The following CGRRF1 variants were observed in gnomAD, a reference collection of about 807,000 sequenced individuals.
CGRRF1 encodes the protein cell growth regulator with ring finger domain 1.
In CGRRF1, 32 loss-of-function variants were observed where a neutral mutation model predicts 37.2. The observed-to-expected ratio is 0.86, with a 90% confidence interval of 0.65 to 1.16. The LOEUF (loss-of-function observed/expected upper bound fraction) is 1.16. CGRRF1 is among the 50% of genes most tolerant of loss of function. The pLI is 0.00. For missense variants in CGRRF1, 391 were observed against 382.6 expected (o/e 1.02, Z -0.18); for synonymous variants, 141 against 140.3 (o/e 1.00, Z -0.04).
chr14:54,514,537 T>C (rs542033835), intron 1 of CGRRF1, among the ~76,000 whole-genome samples: 223 of 152,352 alleles, frequency 1.5e-3, no homozygotes, highest in Non-Finnish European at 2.4e-3. Flanking sequence ...GATTATTTCA[T>C]CACCCAGGTA....
chr14:54,521,323 T>C (rs1277556567), intron 1 of CGRRF1, among the ~76,000 whole-genome samples: 1 of 151,678 alleles, frequency 6.6e-6, no homozygotes, highest in African/African-American at 2.4e-5. Context: ...TACCTGGGCA[T>C]GGTGGCACAT....
At chr14:54,526,231 C>T (rs986734606) in intron 2 of CGRRF1, among the ~76,000 whole-genome samples, 8 of 140,440 alleles carry the variant, frequency 5.7e-5, no homozygotes, top group African/African-American at 5.3e-5. Flanking sequence ...CTCACTGCAA[C>T]GTCTGCCTCC....
At chr14:54,526,219 G>T (rs2032410053) in intron 2 of CGRRF1, among the ~76,000 whole-genome samples, 1 of 126,968 alleles carries the variant, frequency 7.9e-6, no homozygotes, top group African/African-American at 3.0e-5. Context: ...GTGCAATCTT[G>T]GCTCACTGCA....
rs2032099909 is a variant in CGRRF1 at position 54,509,939 on chromosome 14, T to G, written c.-21T>G. 6 of 1,583,010 alleles carry G rather than the reference T, an allele frequency of 3.8e-6. No homozygotes were observed. Among genetic ancestry groups the G allele is most frequent in the Admixed American group, 1.7e-5 (1 of 59,940 alleles). On this transcript the variant is annotated 5_prime_UTR_variant, in exon 1 of 6. Transcript: ENST00000216420. Reference sequence around the variant, plus strand: ...CTGGGCTCCGCGGCTGGAGCCGGGCTCTACCCAGAGCAAGACCCTGATGGC... The same window carrying G: ...CTGGGCTCCGCGGCTGGAGCCGGGCGCTACCCAGAGCAAGACCCTGATGGC...
Position 54,512,476 on chromosome 14 carries a change from C to T in CGRRF1, c.104+2413C>T, listed in dbSNP as rs549840973. Among the ~76,000 whole-genome samples the T allele has an allele frequency of 4.6e-5, 7 of 152,358 alleles. No individual in the cohort carries two copies. In the East Asian group the frequency reaches 1.3e-3, roughly 29 times the overall value. ...TTTCAAATAATCAGGGACCATGACT[C>T]CAGTAGCTATTCCCGGCCTCCTCTT... On this transcript the variant is annotated intron_variant, in intron 1 of 5. Transcript: ENST00000216420.
In CGRRF1 at chr14:54,528,175, G is replaced by A. The variant is rs76989134; in HGVS notation, c.245-1874G>A. Among the ~76,000 whole-genome samples, 1,344 of 144,036 alleles carry A rather than the reference G, an allele frequency of 9.3e-3. 14 individuals are homozygous for A. Among genetic ancestry groups the A allele is most frequent in the Admixed American group, 0.02 (292 of 14,528 alleles). The allele number at this position is 144,036 out of a possible 152,430, so 94.5% of individuals were successfully genotyped here. A position where few individuals can be genotyped will look rare whatever the true frequency, so the allele number is the denominator to read the frequency against. On this transcript the variant is annotated intron_variant, in intron 2 of 5. Transcript: ENST00000216420. ...ATATTCTGAAGATCATTTCATAATA[G>A]TGTGTGCAGATACTCTGATATACCT...
chr14:54,515,399 A>G (rs1486572797), intron 1 of CGRRF1, among the ~76,000 whole-genome samples: 2 of 151,812 alleles, frequency 1.3e-5, no homozygotes, highest in Non-Finnish European at 2.9e-5. Context: ...GCCGGGTGAG[A>G]TGTTTTATAA....
At position 54,530,484 on chromosome 14, in the gene CGRRF1, T is replaced by C. The variant is rs563819683; in HGVS notation, c.422+258T>C. On this transcript the variant is annotated intron_variant, in intron 3 of 5. Transcript: ENST00000216420. ...TAAAGTGTTGCTAACTTATTGATCA[T>C]TTTTGGTATACTAGAAGCATGTTTA... is the stretch of plus-strand genomic sequence containing the variant. 116 of 1,142,652 alleles carry C rather than the reference T, an allele frequency of 1.0e-4. 1 individual carries two copies. In the African/African-American group the frequency reaches 1.8e-3, roughly 18 times the overall value. The allele number at this position is 1,142,652 out of a possible 1,614,324, so 70.8% of individuals were successfully genotyped here. A position where few individuals can be genotyped will look rare whatever the true frequency, so the allele number is the denominator to read the frequency against.
intron 1 of CGRRF1, among the ~76,000 whole-genome samples, chr14:54,519,245 CT>C (rs999065611): frequency 6.5e-4 from 92 of 141,352 alleles, no homozygotes; most frequent in African/African-American, 2.1e-3. Flanking sequence ...TGTGCCTGGC[CT>C]TTTTTTTTTG....
At chr14:54,522,723 C>G in intron 2 of CGRRF1, 130 bp downstream of exon 2, 1 of 869,742 alleles carries the variant, frequency 1.1e-6, no homozygotes, top group Admixed American at 2.5e-5. Flanking sequence ...TATGTTGTTC[C>G]AGGTGCTGTA....
intron 1 of CGRRF1, among the ~76,000 whole-genome samples, chr14:54,521,234 G>A (rs2032310462): frequency 6.6e-6 from 1 of 152,082 alleles, no homozygotes; most frequent in Non-Finnish European, 1.5e-5. Context: ...GCTGAGGTGG[G>A]CGGATCACCT....
chr14:54,528,985 TAA>T (rs1299268698), intron 2 of CGRRF1, among the ~76,000 whole-genome samples: 1 of 152,124 alleles, frequency 6.6e-6, no homozygotes. Flanking sequence ...GATCACATTT[TAA>T]AAAATAGGTA....
rs202162974 is a variant in CGRRF1 at position 54,538,353 on chromosome 14, G to A, written c.969G>A (p.Glu323=). ...CTTTTGCACTTTGCAGTCAAAAAGA[G>A]CAAGATAAAGACAAACCGAAGACTC... The part of the protein sequence containing the change: ...QESFALCSQK[E]QDKDKPKTL The change falls in exon 6 of 6, where the codon GAG becomes GAA. Residue 323 remains glutamate, a synonymous_variant. Coordinates refer to ENST00000216420, the MANE Select transcript of CGRRF1 (RefSeq NM_006568.3). 3.7e-6 allele frequency: 6 copies of A among 1,612,136 alleles called. No homozygotes were observed. The highest frequency in any genetic ancestry group is 1.7e-5 in the Admixed American group (1 of 59,982).
chr14:54,511,145 A>G (rs772243405), intron 1 of CGRRF1, among the ~76,000 whole-genome samples: 8 of 152,244 alleles, frequency 5.3e-5, no homozygotes, highest in Admixed American at 2.0e-4. Context: ...CTTTGGTCAC[A>G]TATATGTGAT....
At chr14:54,534,840 G>A (rs904605342) in intron 4 of CGRRF1, among the ~76,000 whole-genome samples, 1 of 152,062 alleles carries the variant, frequency 6.6e-6, no homozygotes, top group African/African-American at 2.4e-5. Context: ...TCAGCCTCCT[G>A]AGTAACCGGG....
chr14:54,535,342 A>G (rs1382749894), intron 4 of CGRRF1, among the ~76,000 whole-genome samples: 1 of 140,660 alleles, frequency 7.1e-6, no homozygotes, highest in Non-Finnish European at 1.5e-5. Context: ...TGACATGAGC[A>G]TTTTTGAAGG....
At chr14:54,513,359 G>A (rs1478798153) in intron 1 of CGRRF1, among the ~76,000 whole-genome samples, 23 of 152,254 alleles carry the variant, frequency 1.5e-4, no homozygotes, top group Admixed American at 1.5e-3. Context: ...GTTAATGGCA[G>A]TAATGATGAC....
chr14:54,524,912 A>G (rs1331957258), intron 2 of CGRRF1, among the ~76,000 whole-genome samples: 2 of 152,156 alleles, frequency 1.3e-5, no homozygotes, highest in Non-Finnish European at 2.9e-5. Context: ...ATGCCTGATT[A>G]AAGTGTACAC....
chr14:54,513,030 C>T (rs188976447), intron 1 of CGRRF1, among the ~76,000 whole-genome samples: 233 of 152,286 alleles, frequency 1.5e-3, no homozygotes, highest in African/African-American at 5.4e-3. Flanking sequence ...ATGAAAATTT[C>T]TCTTGATGTT....
Sources: gnomAD v4.1 joint callset for allele counts (sites outside exome capture counted in the v4.1 genomes callset) on GRCh38, gnomAD v4.1.1 for gene constraint, MANE v1.5 for transcripts, NCBI Gene and HGNC (gene_info 2026-07-23, HGNC 2026-07-21) for gene names.